The following TTLL5 variants were observed in gnomAD, a reference collection of about 807,000 sequenced individuals.
TTLL5 encodes the protein tubulin polyglutamylase TTLL5.
In TTLL5, 132 loss-of-function variants were observed where a neutral mutation model predicts 168.4. That is an observed-to-expected ratio of 0.78 (90% confidence interval 0.68 to 0.91). The LOEUF (loss-of-function observed/expected upper bound fraction) is 0.91. Among genes scored for constraint, TTLL5 ranks in the 40% least tolerant of loss-of-function variants. The pLI is 0.00. For missense variants in TTLL5, 1,545 were observed against 1,581.5 expected, an observed-to-expected ratio of 0.98 and a Z score of 0.39; for synonymous variants, 546 against 558.6, an observed-to-expected ratio of 0.98 and a Z score of 0.32.
intron 29 of TTLL5, among the ~76,000 whole-genome samples, chr14:75,873,074 CTTTT>C (rs71119401): frequency 9.1e-6 from 1 of 110,350 alleles, no homozygotes. Flanking sequence ...ATCTCCAGAA[CTTTT>C]TTTTTTTTTT....
chr14:75,758,864 T>C (rs1178883271), intron 18 of TTLL5, among the ~76,000 whole-genome samples: 3 of 152,186 alleles, frequency 2.0e-5, no homozygotes, highest in Non-Finnish European at 2.9e-5. Flanking sequence ...TGTCAAGATA[T>C]GTACGCTACA....
intron 2 of TTLL5, among the ~76,000 whole-genome samples, chr14:75,667,068 CTT>C (rs539121684): frequency 2.1e-5 from 3 of 144,976 alleles, no homozygotes; most frequent in Admixed American, 1.4e-4. Flanking sequence ...TCCTTAAGTG[CTT>C]TTTTTTTTTA....
intron 2 of TTLL5, among the ~76,000 whole-genome samples, chr14:75,664,635 C>T (rs1016584647): frequency 2.0e-5 from 3 of 152,120 alleles, no homozygotes; most frequent in Admixed American, 2.0e-4. Context: ...TTTGAGGAAA[C>T]GTTTCTTATC....
chr14:75,717,967 T>C lies in TTLL5; in HGVS notation c.842+5T>C. ...GAAAAGTGGAGATTACGTCAGGTACTGGCTGTGTCTGAGCCAGAAGTCAGA... is the reference window on the plus strand; with the variant it reads ...GAAAAGTGGAGATTACGTCAGGTACCGGCTGTGTCTGAGCCAGAAGTCAGA... On this transcript the variant is annotated splice_donor_5th_base_variant and intron_variant, in intron 10 of 31. Coordinates refer to ENST00000298832, the MANE Select transcript of TTLL5 (RefSeq NM_015072.5). The C allele has an allele frequency of 6.2e-7, 1 of 1,612,546 alleles. No homozygotes were observed.
intron 29 of TTLL5, 97 bp from the exon 30 acceptor site, chr14:75,882,588 C>G: frequency 4.6e-6 from 5 of 1,091,380 alleles, no homozygotes; most frequent in Non-Finnish European, 1.3e-6. Flanking sequence ...TTGTCCTTTT[C>G]TTTTTGCCCC....
chr14:75,768,287 A>G (rs1046865980), intron 20 of TTLL5, among the ~76,000 whole-genome samples: 1 of 152,206 alleles, frequency 6.6e-6, no homozygotes, highest in Non-Finnish European at 1.5e-5. Flanking sequence ...TGAGCATTTC[A>G]GGTCTGTAGA....
At position 75,954,709 on chromosome 14, in the gene TTLL5, A is replaced by G. The variant is rs889860310; in HGVS notation, c.*263A>G. ...CAGCTGATGCATTATATACCCCGTC[A>G]GAGCACACTTGTATCTTTTACCTTC... On this transcript the variant is annotated 3_prime_UTR_variant, in exon 32 of 32. Coordinates refer to ENST00000298832, the MANE Select transcript of TTLL5 (RefSeq NM_015072.5). 3.7e-6 allele frequency: 2 copies of G among 534,456 alleles called. No individual in the cohort carries two copies. Among genetic ancestry groups the G allele is most frequent in the Non-Finnish European group, 3.3e-6 (1 of 299,524 alleles). 33.1% of individuals were successfully genotyped at this position (534,456 alleles called of 1,614,324 possible).
chr14:75,790,349 G>A (rs1892625199), intron 26 of TTLL5, among the ~76,000 whole-genome samples: 1 of 152,024 alleles, frequency 6.6e-6, no homozygotes, highest in Admixed American at 6.5e-5. Flanking sequence ...CCAGAAAAGA[G>A]GTAGCATGTT....
At chr14:75,886,559 A>G in intron 30 of TTLL5, 1 of 1,012,492 alleles carries the variant, frequency 9.9e-7, no homozygotes, top group Admixed American at 2.5e-5. Flanking sequence ...TCAAATTCAT[A>G]TACTTGTATT....
At chr14:75,940,090 T>C (rs1405445767) in intron 31 of TTLL5, among the ~76,000 whole-genome samples, 8 of 145,742 alleles carry the variant, frequency 5.5e-5, no homozygotes, top group African/African-American at 1.5e-4. Context: ...TTTTTTTTTT[T>C]TTTTTTTTTG....
At chr14:75,803,650 T>C (rs1893472290) in intron 27 of TTLL5, among the ~76,000 whole-genome samples, 1 of 152,126 alleles carries the variant, frequency 6.6e-6, no homozygotes, top group African/African-American at 2.4e-5. Flanking sequence ...TGGAAATCTA[T>C]GTGTATGTCC....
In TTLL5 at chr14:75,782,573, C is replaced by T. The variant is rs1308640043; in HGVS notation, c.2602C>T (p.Arg868Ter). 2.5e-6 allele frequency: 4 copies of T among 1,612,450 alleles called. No individual in the cohort carries two copies. Among genetic ancestry groups the T allele is most frequent in the African/African-American group, 1.3e-5 (1 of 74,822 alleles). Residue 868 changes from arginine (R) to a stop codon, truncating the protein, a stop_gained and splice_region_variant, in exon 25 of 32, where the codon CGA becomes TGA. Coordinates refer to ENST00000298832, the MANE Select transcript of TTLL5 (RefSeq NM_015072.5). LOFTEE classifies it high-confidence loss of function. ...TTEIHSDKLS[R>*]FTTSAEKEAK... The stretch of plus-strand genomic sequence containing the variant: ...AGAAATTCATTCTGATAAATTATCT[C>T]GTGAGTGATTTCAAACCTACCTAGA...
intron 31 of TTLL5, among the ~76,000 whole-genome samples, chr14:75,935,751 A>G (rs1365963629): frequency 6.6e-6 from 1 of 152,248 alleles, no homozygotes; most frequent in South Asian, 2.1e-4. Flanking sequence ...GGAGGAATAT[A>G]TGTTTGTATG....
intron 20 of TTLL5, 45 bp from the exon 21 acceptor site, chr14:75,771,689 T>C (rs1891330212): frequency 6.2e-7 from 1 of 1,610,582 alleles, no homozygotes; most frequent in African/African-American, 1.3e-5. Context: ...TTTTGTAGTT[T>C]TACACTTCTG....
intron 28 of TTLL5, among the ~76,000 whole-genome samples, chr14:75,833,671 A>T (rs1895707320): frequency 6.6e-6 from 1 of 152,222 alleles, no homozygotes; most frequent in Non-Finnish European, 1.5e-5. Context: ...AATGCCTGCC[A>T]TAGAGTACGT....
chr14:75,738,221 A>G (rs909894927), intron 15 of TTLL5, among the ~76,000 whole-genome samples: 1 of 152,208 alleles, frequency 6.6e-6, no homozygotes, highest in Admixed American at 6.5e-5. Flanking sequence ...TTTCTTCTGC[A>G]CAGATTTAAA....
chr14:75,719,451 T>C (rs1887701837), intron 10 of TTLL5, among the ~76,000 whole-genome samples: 1 of 152,192 alleles, frequency 6.6e-6, no homozygotes, highest in Non-Finnish European at 1.5e-5. Context: ...ACACATTGCT[T>C]TCACTCTTTC....
chr14:75,793,648 A>G (rs906753088), intron 27 of TTLL5, among the ~76,000 whole-genome samples: 2 of 152,210 alleles, frequency 1.3e-5, no homozygotes, highest in African/African-American at 2.4e-5. Flanking sequence ...AGGTCATTCA[A>G]CAAGCTGGGT....
chr14:75,804,352 C>T (rs1459027841), intron 27 of TTLL5, among the ~76,000 whole-genome samples: 5 of 152,218 alleles, frequency 3.3e-5, no homozygotes, highest in Admixed American at 6.5e-5. Context: ...CTTCTGCTTC[C>T]GCAGCTAACA....
Sources: gnomAD v4.1 joint callset for allele counts (sites outside exome capture counted in the v4.1 genomes callset) on GRCh38, gnomAD v4.1.1 for gene constraint, MANE v1.5 for transcripts, NCBI Gene and HGNC (gene_info 2026-07-23, HGNC 2026-07-21) for gene names.